Variants in RPGRIP1 observed in about 807,000 individuals in gnomAD.
The protein encoded by RPGRIP1 is X-linked retinitis pigmentosa GTPase regulator-interacting protein 1.
Under a neutral mutation model 157.9 loss-of-function variants are expected in RPGRIP1, and 128 were observed. The observed-to-expected ratio is 0.81, with a 90% CI of 0.70 to 0.94. RPGRIP1 has a LOEUF of 0.94. RPGRIP1 is among the 40% of genes least tolerant of loss of function. RPGRIP1 has a pLI of 0.00. For missense variants in RPGRIP1, 1,486 were observed against 1,545.8 expected (o/e 0.96, Z 0.65); for synonymous variants, 554 against 571.6 (o/e 0.97, Z 0.44).
chr14:21,295,036 G>A (rs1880709601), intron 3 of RPGRIP1, among the ~76,000 whole-genome samples: 1 of 151,678 alleles, frequency 6.6e-6, no homozygotes, highest in Non-Finnish European at 1.5e-5. Flanking sequence ...TAGAGATGGG[G>A]ATTCGCCATG....
At chr14:21,341,998 C>T (rs1389997123) in intron 21 of RPGRIP1, among the ~76,000 whole-genome samples, 4 of 150,624 alleles carry the variant, frequency 2.7e-5, no homozygotes, top group East Asian at 1.9e-4. Context: ...TGCTGTGAGC[C>T]GAGATCGTGC....
rs958324412 is a variant in RPGRIP1, at chr14:21,301,071, A to G, written c.324A>G (p.Gly108=). The G allele has an allele frequency of 1.9e-6, 3 of 1,612,576 alleles. No homozygotes were observed. Among genetic ancestry groups the G allele is most frequent in the East Asian group, 2.2e-5 (1 of 44,870 alleles). The change falls in exon 4 of 25, where the codon GGA becomes GGG. Residue 108 remains glycine, a synonymous_variant. Transcript: ENST00000400017. Reference sequence around the variant, plus strand: ...CCGCAAGGCGCGGGCAGAAGGCGGGATGGCGGCAGCGCCTCTCCATGCACC... The same window carrying G: ...CCGCAAGGCGCGGGCAGAAGGCGGGGTGGCGGCAGCGCCTCTCCATGCACC... ...SETARRGQKA[G]WRQRLSMHQR... is the part of the protein sequence containing the mutation.
At chr14:21,284,135 T>C (rs193148381) in intron 1 of RPGRIP1, among the ~76,000 whole-genome samples, 25 of 152,324 alleles carry the variant, frequency 1.6e-4, no homozygotes, top group African/African-American at 5.5e-4. Context: ...TCAAGTTAAA[T>C]TGCCCGGAAA....
intron 24 of RPGRIP1, among the ~76,000 whole-genome samples, chr14:21,350,376 C>CAA (rs765881214): frequency 3.6e-3 from 79 of 22,194 alleles, no homozygotes; most frequent in Admixed American, 6.3e-3. Context: ...ACTCTGTCTC[C>CAA]AAAAAAAAAA....
chr14:21,341,542 A>G (rs1266264812), intron 21 of RPGRIP1, among the ~76,000 whole-genome samples: 1 of 152,058 alleles, frequency 6.6e-6, no homozygotes. Flanking sequence ...TCACAGATAG[A>G]GGGGAGAGCG....
In RPGRIP1 at chr14:21,312,448, GAAGATTTGGAAAAAGAACGAA is replaced by G; in HGVS notation, c.1096_1116del (p.Asp366_Lys372del). 6.2e-7 allele frequency: 1 copy of G among 1,608,922 alleles called. No homozygotes were observed. The highest frequency in any genetic ancestry group is 1.1e-5 in the South Asian group (1 of 90,442). Reference sequence around the variant, plus strand: ...TCACTCTTAGTTTCAGGAGAGAGTTGAAGATTTGGAAAAAGAACGAAAATTGCTGAATGACAATTATGACAA... The same window carrying G: ...TCACTCTTAGTTTCAGGAGAGAGTTGAATTGCTGAATGACAATTATGACAA... On this transcript the variant is annotated inframe_deletion, in exon 10 of 25. Transcript: ENST00000400017.
intron 6 of RPGRIP1, 71 bp from the exon 7 acceptor site, chr14:21,307,660 C>A: frequency 2.1e-6 from 2 of 960,130 alleles, no homozygotes; most frequent in Non-Finnish European, 3.2e-6. Flanking sequence ...CTTACTAGGG[C>A]ATAGTCAAGG....
intron 24 of RPGRIP1, among the ~76,000 whole-genome samples, chr14:21,349,558 A>G (rs564243075): frequency 2.0e-5 from 3 of 151,116 alleles, no homozygotes; most frequent in African/African-American, 7.3e-5. Context: ...ATGAACCACC[A>G]CGCCCAGCTA....
intron 23 of RPGRIP1, among the ~76,000 whole-genome samples, chr14:21,345,667 A>T (rs1160844433): frequency 6.6e-6 from 1 of 152,084 alleles, no homozygotes; most frequent in African/African-American, 2.4e-5. Context: ...GGCCTCCCAG[A>T]GTGCTGGGAT....
Position 21,301,253 on chromosome 14 carries a change from A to G in RPGRIP1, c.490+16A>G, listed in dbSNP as rs2139156935. On this transcript the variant is annotated intron_variant, in intron 4 of 24. Transcript: ENST00000400017. The stretch of plus-strand genomic sequence containing the variant: ...CCCAAGAGGGGTGAGATTTAAGGCT[A>G]CATCCCCTACAGGGCTAAGACACTG... 1.9e-6 allele frequency: 3 copies of G among 1,571,066 alleles called. No individual in the cohort carries two copies. The highest frequency in any genetic ancestry group is 1.7e-6 in the Non-Finnish European group (2 of 1,158,976).
At position 21,338,030 on chromosome 14, in the gene RPGRIP1, T is replaced by C. The variant is rs547543297; in HGVS notation, c.3339+3325T>C. Among the ~76,000 whole-genome samples, 10 of 152,012 alleles carry C rather than the reference T, an allele frequency of 6.6e-5. No individual in the cohort carries two copies. In the South Asian group the frequency reaches 1.5e-3, roughly 22 times the overall value. On this transcript the variant is annotated intron_variant, in intron 21 of 24. Coordinates refer to ENST00000400017, the MANE Select transcript of RPGRIP1 (RefSeq NM_020366.4). ...CCCCCAGGTTCAAGCAATTCTCCTG[T>C]CTCACCCTCCCGAGTAGCTGGGACT... is the stretch of plus-strand genomic sequence containing the variant.
intron 21 of RPGRIP1, among the ~76,000 whole-genome samples, chr14:21,336,528 C>T (rs1164487057): frequency 6.6e-6 from 1 of 152,210 alleles, no homozygotes; most frequent in African/African-American, 2.4e-5. Context: ...GAGAGAGACC[C>T]TGTCTCAAAA....
At chr14:21,309,506 T>C (rs1374726854) in intron 7 of RPGRIP1, among the ~76,000 whole-genome samples, 1 of 151,814 alleles carries the variant, frequency 6.6e-6, no homozygotes, top group Non-Finnish European at 1.5e-5. Context: ...AGACTTTGTC[T>C]CAAAAAAAGA....
chr14:21,318,345 C>T, intron 11 of RPGRIP1: 1 of 310,998 alleles, frequency 3.2e-6, no homozygotes, highest in Non-Finnish European at 6.3e-6. Flanking sequence ...CTCCTGACCT[C>T]AGATGATCCA....
At chr14:21,310,516 A>G (rs1351391262) in intron 7 of RPGRIP1, 68 bp from the exon 8 acceptor site, 5 of 782,532 alleles carry the variant, frequency 6.4e-6, no homozygotes, top group Non-Finnish European at 1.0e-5. Flanking sequence ...GTTAAGCATT[A>G]TATTACAGTG....
chr14:21,311,843 C>A lies in RPGRIP1; in HGVS notation c.950C>A (p.Ala317Glu). 1.2e-6 allele frequency: 2 copies of A among 1,606,504 alleles called. No homozygotes were observed. The highest frequency in any genetic ancestry group is 1.7e-6 in the Non-Finnish European group (2 of 1,177,356). ...ACCCAGAATCAGGGAATCCTGAGTG[C>A]AGCCCATGAGGCCCTCCTCAAGCAA... is the stretch of plus-strand genomic sequence containing the variant. ...LLQKNQGILS[A>E]AHEALLKQVN... is the part of the protein sequence containing the mutation. Residue 317 changes from alanine to glutamate, a missense_variant, in exon 9 of 25, where the codon GCA becomes GAA. By Grantham distance (107) the Ala-to-Glu change is moderately radical. Coordinates refer to ENST00000400017, the MANE Select transcript of RPGRIP1 (RefSeq NM_020366.4).
intron 4 of RPGRIP1, among the ~76,000 whole-genome samples, chr14:21,302,102 C>T (rs1046749905): frequency 2.0e-5 from 3 of 152,088 alleles, no homozygotes; most frequent in African/African-American, 4.8e-5. Flanking sequence ...CAAACGCATG[C>T]AAAAACAACT....
intron 13 of RPGRIP1, chr14:21,321,605 G>T: frequency 8.4e-7 from 1 of 1,184,342 alleles, no homozygotes; most frequent in South Asian, 1.8e-5. Context: ...GCCAGTGATG[G>T]GGCCAGCCCA....
Position 21,281,713 on chromosome 14 carries a change from T to A in RPGRIP1, c.-39+1554T>A, listed in dbSNP as rs1196113541. 1.5e-3 allele frequency among the ~76,000 whole-genome samples: 211 copies of A among 141,082 alleles called. 1 individual carries two copies. Among genetic ancestry groups the A allele is most frequent in the African/African-American group, 5.3e-3 (199 of 37,440 alleles). 92.6% of individuals were successfully genotyped at this position (141,082 alleles called of 152,430 possible). On this transcript the variant is annotated intron_variant, in intron 1 of 24. Coordinates refer to ENST00000400017, the MANE Select transcript of RPGRIP1 (RefSeq NM_020366.4). Reference sequence around the variant, plus strand: ...CAAAAAAAAAAAAAATAAATAATAATAATAATAATAATAATAATAATAATC... The same window carrying A: ...CAAAAAAAAAAAAAATAAATAATAAAAATAATAATAATAATAATAATAATC...
Sources: allele counts gnomAD v4.1 joint callset (sites outside exome capture counted in the v4.1 genomes callset), GRCh38; gene constraint gnomAD v4.1.1; transcripts MANE v1.5; gene names NCBI Gene and HGNC (gene_info 2026-07-23, HGNC 2026-07-21).